The following SSH2 variants were observed in gnomAD, a reference collection of about 807,000 sequenced individuals.
The protein encoded by SSH2 is protein phosphatase Slingshot homolog 2.
In SSH2, 37 loss-of-function variants were observed where a neutral mutation model predicts 135.2. That is an observed-to-expected ratio of 0.27 (90% CI 0.21 to 0.36). The LOEUF (loss-of-function observed/expected upper bound fraction) is 0.36, where lower values mean the gene tolerates loss of function less well. Ranked by LOEUF, SSH2 falls within the 10% of genes least tolerant of loss-of-function variation. The probability of loss-of-function intolerance (pLI) is 1.00; values close to 1 mark genes in which losing one functional copy is unlikely to be tolerated. For missense variants in SSH2, 1,408 were observed against 1,765.3 expected (o/e 0.80, Z 3.63); for synonymous variants, 628 against 646.2 (o/e 0.97, Z 0.43).
intron 3 of SSH2, among the ~76,000 whole-genome samples, chr17:29,759,488 C>T (rs980122925): frequency 2.0e-5 from 3 of 152,196 alleles, no homozygotes; most frequent in Admixed American, 2.0e-4. Flanking sequence ...TATTTTCACA[C>T]TGTTGTGCAA....
At chr17:29,777,516 T>C (rs2041729496) in intron 3 of SSH2, 1 of 152,212 alleles carries the variant, frequency 6.6e-6, no homozygotes, top group Admixed American at 6.5e-5. Context: ...CACAATTCCA[T>C]GGTACCTACA....
chr17:29,684,293 AT>A (rs1415228225), intron 6 of SSH2, among the ~76,000 whole-genome samples: 1 of 152,094 alleles, frequency 6.6e-6, no homozygotes, highest in Admixed American at 6.6e-5. Context: ...ACTGGCCAAT[AT>A]GGCAAAACCC....
chr17:29,730,956 A>C (rs2151186499), intron 3 of SSH2, among the ~76,000 whole-genome samples: 1 of 152,306 alleles, frequency 6.6e-6, no homozygotes, highest in Non-Finnish European at 1.5e-5. Context: ...TCTAAATCAA[A>C]CCTTTCCATA....
chr17:29,682,924 T>C (rs940505614), intron 6 of SSH2, among the ~76,000 whole-genome samples: 1 of 152,224 alleles, frequency 6.6e-6, no homozygotes, highest in African/African-American at 2.4e-5. Context: ...AATTAAATGC[T>C]GTTAAGTGGT....
chr17:29,761,682 GAA>G (rs1172043288), intron 3 of SSH2, among the ~76,000 whole-genome samples: 1 of 152,132 alleles, frequency 6.6e-6, no homozygotes, highest in Non-Finnish European at 1.5e-5. Context: ...TGTTTCAACA[GAA>G]AAGTCCTGCC....
At chr17:29,809,195 A>T (rs2042400170) in intron 2 of SSH2, among the ~76,000 whole-genome samples, 1 of 152,238 alleles carries the variant, frequency 6.6e-6, no homozygotes, top group South Asian at 2.1e-4. Context: ...CGGAGGTTGC[A>T]GTCAGCTGAG....
At chr17:29,890,125 T>C (rs775652706) in intron 1 of SSH2, among the ~76,000 whole-genome samples, 1 of 152,218 alleles carries the variant, frequency 6.6e-6, no homozygotes, top group Non-Finnish European at 1.5e-5. Flanking sequence ...TAATACTTCA[T>C]ATTCACAAGA....
chr17:29,887,206 G>A (rs2066255126), intron 1 of SSH2, among the ~76,000 whole-genome samples: 1 of 152,230 alleles, frequency 6.6e-6, no homozygotes, highest in Non-Finnish European at 1.5e-5. Flanking sequence ...CAGTAGTAGT[G>A]TTATAAAAGC....
At chr17:29,804,812 C>T (rs2151318140) in intron 2 of SSH2, among the ~76,000 whole-genome samples, 1 of 150,238 alleles carries the variant, frequency 6.7e-6, no homozygotes, top group South Asian at 2.1e-4. Flanking sequence ...CACAAGTAGC[C>T]AGGACTATAG....
At chr17:29,646,745 G>T (rs1312893157) in intron 14 of SSH2, among the ~76,000 whole-genome samples, 1 of 151,676 alleles carries the variant, frequency 6.6e-6, no homozygotes, top group East Asian at 2.0e-4. Context: ...TGATCCGCCC[G>T]CCTCAGCCTC....
intron 1 of SSH2, among the ~76,000 whole-genome samples, chr17:29,875,223 T>TC (rs1317062502): frequency 6.6e-6 from 1 of 152,090 alleles, no homozygotes; most frequent in Non-Finnish European, 1.5e-5. Flanking sequence ...TTCCATTCTC[T>TC]CCCCATAAGC....
chr17:29,675,851 G>A (rs1327061677), intron 8 of SSH2: 1 of 152,016 alleles, frequency 6.6e-6, no homozygotes, highest in East Asian at 1.9e-4. Flanking sequence ...GATCTATCCT[G>A]TCTAAATGTA....
intron 3 of SSH2, among the ~76,000 whole-genome samples, chr17:29,787,078 T>C (rs759693566): frequency 1.4e-4 from 22 of 152,162 alleles, no homozygotes; most frequent in Non-Finnish European, 2.6e-4. Flanking sequence ...ACCACCACTA[T>C]CCATTTCTAG....
In SSH2 at chr17:29,636,224, A is replaced by T. The variant is rs779185024; in HGVS notation, c.2006T>A (p.Ile669Asn). ...PSPQPSCQTE[I>N]SDFSTDRIDF... is the part of the protein sequence containing the mutation. Reference sequence around the variant, plus strand: ...AATGCGATCTGTACTGAAATCTGAGATTTCAGTCTGGCAACTGGGTTGGGG... The same window carrying T: ...AATGCGATCTGTACTGAAATCTGAGTTTTCAGTCTGGCAACTGGGTTGGGG... The change falls in exon 15 of 16, where the codon ATC (isoleucine) becomes AAC (asparagine). Residue 669 changes from isoleucine (I) to asparagine (N), a missense_variant. Ile to Asn is a moderately radical substitution (Grantham distance 149). Transcript: ENST00000540801. 6.2e-7 allele frequency: 1 copy of T among 1,613,826 alleles called. No homozygotes were observed. Among genetic ancestry groups the T allele is most frequent in the African/African-American group, 1.3e-5 (1 of 74,830 alleles).
chr17:29,878,665 T>C (rs943768215), intron 1 of SSH2, among the ~76,000 whole-genome samples: 9 of 152,226 alleles, frequency 5.9e-5, no homozygotes, highest in Admixed American at 3.3e-4. Context: ...ATATTTCTTC[T>C]AGATTTCCAC....
rs539207172 is a variant in SSH2, at chr17:29,889,160, G to A, written c.64-40231C>T. 7.2e-5 allele frequency among the ~76,000 whole-genome samples: 11 copies of A among 151,986 alleles called. No individual in the cohort carries two copies. In the East Asian group the frequency reaches 1.9e-3, roughly 27 times the overall value. ...TAAGAGAAAAATCATAAAACTGTCA[G>A]AAGAGTCTGGGCATGGGGGCTCACA... On this transcript the variant is annotated intron_variant, in intron 1 of 15. Coordinates refer to ENST00000540801, the MANE Select transcript of SSH2 (RefSeq NM_001282129.2).
chr17:29,865,841 C>T (rs1005922813), intron 1 of SSH2, among the ~76,000 whole-genome samples: 4 of 152,226 alleles, frequency 2.6e-5, no homozygotes, highest in Non-Finnish European at 4.4e-5. Context: ...AGGCTCACGC[C>T]TGTTATCTCA....
intron 3 of SSH2, 152 bp downstream of exon 3, chr17:29,793,742 T>G: frequency 1.7e-6 from 1 of 598,100 alleles, no homozygotes; most frequent in Non-Finnish European, 2.9e-6. Context: ...CATGCCCAGG[T>G]GCAATCTGGT....
At position 29,628,021 on chromosome 17, in the gene SSH2, C is replaced by T. The variant is rs1290400976; in HGVS notation, c.*2820G>A. The T allele has an allele frequency of 6.6e-6, 1 of 152,146 alleles. No homozygotes were observed. Among genetic ancestry groups the T allele is most frequent in the Non-Finnish European group, 1.5e-5 (1 of 68,042 alleles). 9.4% of individuals were successfully genotyped at this position (152,146 alleles called of 1,614,324 possible). On this transcript the variant is annotated 3_prime_UTR_variant, in exon 16 of 16. Coordinates refer to ENST00000540801, the MANE Select transcript of SSH2 (RefSeq NM_001282129.2). ...CATCTTTGCCAGTCTATCAAATCTG[C>T]TGCTTCAGGTCAGGTCATGAACAAA...
Sources: gnomAD v4.1 joint callset for allele counts (sites outside exome capture counted in the v4.1 genomes callset) on GRCh38, gnomAD v4.1.1 for gene constraint, MANE v1.5 for transcripts, NCBI Gene and HGNC (gene_info 2026-07-23, HGNC 2026-07-21) for gene names.